Variants in COLQ observed in about 807,000 individuals in gnomAD.
COLQ encodes acetylcholinesterase collagenic tail peptide.
Under a neutral mutation model 69.0 loss-of-function variants are expected in COLQ, and 48 were observed. The ratio of observed to expected loss-of-function variants is 0.70; its 90% CI spans 0.55 to 0.88. The LOEUF (loss-of-function observed/expected upper bound fraction) is 0.88, where lower values mean the gene tolerates loss of function less well. Ranked by LOEUF, COLQ falls within the 40% of genes least tolerant of loss-of-function variation. COLQ has a pLI of 0.00. For missense variants in COLQ, 618 were observed against 594.6 expected (o/e 1.04, Z -0.41); for synonymous variants, 217 against 211.2 (o/e 1.03, Z -0.24).
chr3:15,457,976 A>G (rs1464886345), intron 13 of COLQ, among the ~76,000 whole-genome samples: 4 of 152,222 alleles, frequency 2.6e-5, no homozygotes, highest in African/African-American at 9.6e-5. Flanking sequence ...TTAATAAGAC[A>G]AAGAAAATAC....
chr3:15,498,537 C>G, intron 1 of COLQ: 1 of 1,551,912 alleles, frequency 6.4e-7, no homozygotes. Flanking sequence ...AGTAACAGAG[C>G]AGTCCTGAAA....
In COLQ at chr3:15,458,203, A is replaced by T. The variant is rs143918191; in HGVS notation, c.937T>A (p.Ser313Thr). The T allele has an allele frequency of 1.9e-6, 3 of 1,613,756 alleles. No homozygotes were observed. In the African/African-American group the frequency reaches 4.0e-5, roughly 22 times the overall value. ...SYGESVYGPS[S>T]PRVPVIFVVN... The stretch of plus-strand genomic sequence containing the variant: ...AGCCTTACCACAGGAACTCGCGGGG[A>T]ACTGGGCCCATACACAGATTCCCCG... The change falls in exon 13 of 17, where the codon TCC becomes ACC. Residue 313 changes from serine to threonine, a missense_variant. By Grantham distance (58) the Ser-to-Thr change is moderately conservative (BLOSUM62 1). Transcript: ENST00000383788.
intron 1 of COLQ, among the ~76,000 whole-genome samples, chr3:15,515,912 T>C (rs1480785984): frequency 6.6e-6 from 1 of 152,240 alleles, no homozygotes; most frequent in African/African-American, 2.4e-5. Context: ...GGAGCTGTGT[T>C]GTTTTTGTAT....
At chr3:15,499,683 G>A (rs1247855033) in intron 1 of COLQ, among the ~76,000 whole-genome samples, 4 of 152,198 alleles carry the variant, frequency 2.6e-5, no homozygotes, top group Admixed American at 2.0e-4. Context: ...CAGAAACACA[G>A]TAAGTACCAA....
At chr3:15,464,789 T>C (rs1166565337) in intron 12 of COLQ, among the ~76,000 whole-genome samples, 1 of 152,198 alleles carries the variant, frequency 6.6e-6, no homozygotes, top group Non-Finnish European at 1.5e-5. Flanking sequence ...CTTGATACTG[T>C]CTTTATACAG....
chr3:15,483,920 A>C (rs1361792931), intron 3 of COLQ, among the ~76,000 whole-genome samples: 1 of 152,226 alleles, frequency 6.6e-6, no homozygotes, highest in Non-Finnish European at 1.5e-5. Flanking sequence ...ATATATATTT[A>C]GGATAGTTAG....
chr3:15,498,885 C>T, intron 1 of COLQ: 1 of 1,345,798 alleles, frequency 7.4e-7, no homozygotes, highest in Non-Finnish European at 9.6e-7. Context: ...GGTTGGGAGC[C>T]CAGGGATACT....
At chr3:15,513,107 A>G (rs1338691677) in intron 1 of COLQ, among the ~76,000 whole-genome samples, 1 of 152,164 alleles carries the variant, frequency 6.6e-6, no homozygotes, top group Non-Finnish European at 1.5e-5. Flanking sequence ...TAAATATAAT[A>G]TGTGTCAAGA....
intron 1 of COLQ, among the ~76,000 whole-genome samples, chr3:15,516,261 T>C (rs1056941909): frequency 1.3e-5 from 2 of 152,088 alleles, no homozygotes; most frequent in African/African-American, 4.8e-5. Context: ...AAATAAATGG[T>C]CCATAATCTA....
Position 15,516,507 on chromosome 3 carries a change from A to T in COLQ, c.106+5013T>A, listed in dbSNP as rs183700802. Among the ~76,000 whole-genome samples the T allele has an allele frequency of 2.0e-5, 3 of 152,308 alleles. No individual in the cohort carries two copies. The East Asian group carries it at 5.8e-4, about 29-fold the overall frequency. On this transcript the variant is annotated intron_variant, in intron 1 of 16. Coordinates refer to ENST00000383788, the MANE Select transcript of COLQ (RefSeq NM_005677.4). ...TCTGGTTTCTGAGACCCGGACCCAA[A>T]CATCACCTGAAGAGTCCTGCCTTCC...
intron 2 of COLQ, 106 bp downstream of exon 2, chr3:15,489,419 A>C: frequency 1.9e-6 from 2 of 1,046,324 alleles, no homozygotes; most frequent in African/African-American, 1.6e-5. Context: ...CTCTCAGAAA[A>C]GATTCCGGAG....
chr3:15,464,735 T>G (rs1230168037), intron 12 of COLQ, among the ~76,000 whole-genome samples: 1 of 152,256 alleles, frequency 6.6e-6, no homozygotes, highest in Non-Finnish European at 1.5e-5. Flanking sequence ...GGATTCCTTT[T>G]GTATAACTGA....
chr3:15,473,723 GAAAAGCAA>G lies in COLQ; in HGVS notation c.636+269_636+276del, dbSNP rs1205332618. Among the ~76,000 whole-genome samples, 1 of 152,000 alleles carries G rather than the reference GAAAAGCAA, an allele frequency of 6.6e-6. No individual in the cohort carries two copies. The highest frequency in any genetic ancestry group is 1.5e-5 in the Non-Finnish European group (1 of 67,988). On this transcript the variant is annotated intron_variant, in intron 10 of 16. Transcript: ENST00000383788. This position sits in a 1 kb window ranked among gnomAD's most constrained non-coding sequence, Gnocchi z 4.0. ...AGGACCACAGCCCTCTAAGAGGTAG[GAAAAGCAA>G]AAAAGCAAAAAAACAAACAAACAAA...
intron 13 of COLQ, among the ~76,000 whole-genome samples, 183 bp from the exon 14 acceptor site, chr3:15,456,762 A>T (rs376959534): frequency 5.3e-5 from 8 of 152,302 alleles, no homozygotes; most frequent in African/African-American, 1.9e-4. Flanking sequence ...CATCTTCTCA[A>T]TCGAGTTCCT....
intron 15 of COLQ, 24 bp downstream of exon 15, chr3:15,455,875 C>G: frequency 6.2e-7 from 1 of 1,613,934 alleles, no homozygotes. Flanking sequence ...GGCCTCAGGT[C>G]CTCCTGGTCT....
At chr3:15,494,633 C>T (rs2125149099) in intron 1 of COLQ, among the ~76,000 whole-genome samples, 1 of 152,210 alleles carries the variant, frequency 6.6e-6, no homozygotes, top group Admixed American at 6.5e-5. Context: ...CAAGCAGCCT[C>T]CACTAGATGC....
intron 3 of COLQ, among the ~76,000 whole-genome samples, chr3:15,482,189 A>C (rs1223651673): frequency 6.6e-6 from 1 of 152,146 alleles, no homozygotes. Context: ...TCTTTTCCTA[A>C]TTGAATACCC....
chr3:15,506,680 A>G (rs2062915907), intron 1 of COLQ: 1 of 152,194 alleles, frequency 6.6e-6, no homozygotes, highest in African/African-American at 2.4e-5. Context: ...CCCACTAATG[A>G]TCAGCACAGG....
intron 1 of COLQ, among the ~76,000 whole-genome samples, chr3:15,492,750 T>C (rs1177461174): frequency 6.6e-6 from 1 of 152,200 alleles, no homozygotes; most frequent in African/African-American, 2.4e-5. Flanking sequence ...CCTTGGGACA[T>C]TTCAAAGTCA....
Sources: gnomAD v4.1 joint callset for allele counts (sites outside exome capture counted in the v4.1 genomes callset) on GRCh38, gnomAD v4.1.1 for gene constraint, Gnocchi (gnomAD v3.1) non-coding constraint, MANE v1.5 for transcripts, NCBI Gene and HGNC (gene_info 2026-07-23, HGNC 2026-07-21) for gene names.